The following RBFOX1 variants were observed in gnomAD, a reference collection of about 807,000 sequenced individuals.
The protein encoded by RBFOX1 is RNA binding fox-1 homolog 1.
RBFOX1 carries 8 observed loss-of-function variants against 57.7 expected under a neutral mutation model. The observed-to-expected ratio is 0.14, with a 90% confidence interval of 0.08 to 0.25. RBFOX1 has a LOEUF of 0.25. RBFOX1 is among the 10% of genes least tolerant of loss of function. RBFOX1 has a pLI of 1.00. For synonymous variants in RBFOX1, 326 were observed against 222.4 expected (o/e 1.47, Z -4.15); for missense variants, 611 against 548.5 (o/e 1.11, Z -1.14).
intron 1 of RBFOX1, among the ~76,000 whole-genome samples, chr16:5,359,806 C>G (rs1232534046): frequency 6.6e-6 from 1 of 152,160 alleles, no homozygotes; most frequent in African/African-American, 2.4e-5. Context: ...CATAGTTTAG[C>G]ATTTAACAGG....
intron 3 of RBFOX1, among the ~76,000 whole-genome samples, chr16:7,026,403 A>G (rs2040943386): frequency 6.6e-6 from 1 of 152,212 alleles, no homozygotes; most frequent in Non-Finnish European, 1.5e-5. Context: ...TTAAGTGGGT[A>G]AAGAACAGTT....
At chr16:7,254,325 T>C (rs969674457) in intron 4 of RBFOX1, among the ~76,000 whole-genome samples, 1 of 152,130 alleles carries the variant, frequency 6.6e-6, no homozygotes, top group African/African-American at 2.4e-5. Context: ...GATTACTAAT[T>C]CAGCAGGAAG....
chr16:5,355,298 G>T (rs966565975), intron 1 of RBFOX1, among the ~76,000 whole-genome samples: 3 of 152,284 alleles, frequency 2.0e-5, no homozygotes, highest in African/African-American at 7.2e-5. Context: ...ACAACTGAAC[G>T]CAGGTGTGGC....
Position 6,419,154 on chromosome 16 carries a change from A to G in RBFOX1, c.-64+102097A>G, listed in dbSNP as rs181057278. 1.2e-4 allele frequency among the ~76,000 whole-genome samples: 19 copies of G among 152,250 alleles called. No homozygotes were observed. The East Asian group carries it at 3.5e-3, about 28-fold the overall frequency. On this transcript the variant is annotated intron_variant, in intron 2 of 15. Coordinates refer to ENST00000550418, the MANE Select transcript of RBFOX1 (RefSeq NM_018723.4). Reference sequence around the variant, plus strand: ...TTCTAAACCTTTTTCCAAACCTTCAATTTTATAAAATGTGACACACATTTT... The same window carrying G: ...TTCTAAACCTTTTTCCAAACCTTCAGTTTTATAAAATGTGACACACATTTT...
At chr16:7,242,771 C>T (rs1400356727) in intron 4 of RBFOX1, among the ~76,000 whole-genome samples, 1 of 152,222 alleles carries the variant, frequency 6.6e-6, no homozygotes, top group Non-Finnish European at 1.5e-5. Flanking sequence ...TAGTTGTCTG[C>T]AAGAACTGGC....
chr16:6,843,046 C>T (rs2093572077), intron 3 of RBFOX1, among the ~76,000 whole-genome samples: 1 of 151,966 alleles, frequency 6.6e-6, no homozygotes, highest in African/African-American at 2.4e-5. Flanking sequence ...GTGTATGTGC[C>T]ACGTGTTCTT....
chr16:7,106,244 T>C (rs1417630019), intron 4 of RBFOX1, among the ~76,000 whole-genome samples: 1 of 152,182 alleles, frequency 6.6e-6, no homozygotes, highest in Non-Finnish European at 1.5e-5. Context: ...CATGAATGTG[T>C]GCATGAGCAT....
At chr16:6,973,116 G>A (rs1296543407) in intron 3 of RBFOX1, among the ~76,000 whole-genome samples, 2 of 150,860 alleles carry the variant, frequency 1.3e-5, no homozygotes, top group African/African-American at 4.9e-5. Context: ...GGGTGACGGA[G>A]CAAGACTCCA....
At chr16:7,671,721 C>T in intron 13 of RBFOX1, 1 of 889,240 alleles carries the variant, frequency 1.1e-6, no homozygotes, top group Non-Finnish European at 1.8e-6. Context: ...AAAGACTTAA[C>T]TGAATTTTCC....
intron 4 of RBFOX1, among the ~76,000 whole-genome samples, chr16:5,996,358 C>G (rs1438340726): frequency 6.6e-6 from 1 of 152,054 alleles, no homozygotes; most frequent in Non-Finnish European, 1.5e-5. Flanking sequence ...CAGGTCATGA[C>G]AATGATTTGG....
intron 4 of RBFOX1, among the ~76,000 whole-genome samples, chr16:7,353,981 AT>A (rs1185376261): frequency 6.6e-6 from 1 of 151,900 alleles, no homozygotes; most frequent in Non-Finnish European, 1.5e-5. Context: ...ATTTTATTTT[AT>A]TTTTTTGGAG....
At chr16:6,397,240 A>G (rs1196661500) in intron 2 of RBFOX1, among the ~76,000 whole-genome samples, 1 of 152,236 alleles carries the variant, frequency 6.6e-6, no homozygotes, top group Non-Finnish European at 1.5e-5. Flanking sequence ...TTTAATTTCC[A>G]CGTCATAGTC....
chr16:5,357,182 C>T (rs1344206797), intron 1 of RBFOX1, among the ~76,000 whole-genome samples: 1 of 152,192 alleles, frequency 6.6e-6, no homozygotes, highest in Non-Finnish European at 1.5e-5. Flanking sequence ...CTGTACCTCT[C>T]ACCCATTGCC....
intron 4 of RBFOX1, among the ~76,000 whole-genome samples, chr16:5,914,970 T>C (rs1597773981): frequency 6.6e-6 from 1 of 152,172 alleles, no homozygotes; most frequent in African/African-American, 2.4e-5. Flanking sequence ...CCACAGCCTT[T>C]TTATCACCTA....
intron 2 of RBFOX1, among the ~76,000 whole-genome samples, chr16:6,530,426 A>T (rs142155094): frequency 6.6e-6 from 1 of 152,302 alleles, no homozygotes; most frequent in African/African-American, 2.4e-5. Context: ...AGTGGGCTGT[A>T]GCAACATTGT....
At chr16:6,918,371 T>C (rs567283153) in intron 3 of RBFOX1, among the ~76,000 whole-genome samples, 1 of 152,180 alleles carries the variant, frequency 6.6e-6, no homozygotes, top group South Asian at 2.1e-4. Context: ...TGTTTATGAA[T>C]TTTTAACAAG....
chr16:7,600,769 A>G (rs2094969218), intron 9 of RBFOX1, among the ~76,000 whole-genome samples: 1 of 152,210 alleles, frequency 6.6e-6, no homozygotes. Flanking sequence ...GATAAATAAG[A>G]CTGAATTCTA....
chr16:6,616,676 C>G (rs1474123170), intron 2 of RBFOX1, among the ~76,000 whole-genome samples: 5 of 152,202 alleles, frequency 3.3e-5, no homozygotes, highest in Admixed American at 2.0e-4. Flanking sequence ...CTCAGGTGAT[C>G]TACCTGCCTC....
downstream of RBFOX1, among the ~76,000 whole-genome samples, chr16:5,604,137 T>C (rs2047473190): frequency 6.6e-6 from 1 of 152,232 alleles, no homozygotes; most frequent in African/African-American, 2.4e-5. Flanking sequence ...TTTTACTTTG[T>C]TCTGCCTCAT....
Sources: allele counts gnomAD v4.1 joint callset (sites outside exome capture counted in the v4.1 genomes callset), GRCh38; gene constraint gnomAD v4.1.1; transcripts MANE v1.5; gene names NCBI Gene and HGNC (gene_info 2026-07-23, HGNC 2026-07-21).